The following SDK1 variants were observed in gnomAD, a reference collection of about 807,000 sequenced individuals.
SDK1 encodes sidekick cell adhesion molecule 1, also known as protein sidekick-1.
SDK1 carries 157 observed loss-of-function variants against 245.5 expected under a neutral mutation model. That is an observed-to-expected ratio of 0.64 (90% CI 0.56 to 0.73). SDK1 has a LOEUF of 0.73. SDK1 is among the 30% of genes least tolerant of loss of function. The pLI is 0.00. For missense variants in SDK1, 3,583 were observed against 3,002.3 expected (o/e 1.19, Z -4.52); for synonymous variants, 1,647 against 1,278.5 (o/e 1.29, Z -6.15).
chr7:4,051,522 G>T (rs1789475511), intron 18 of SDK1, 116 bp from the exon 19 acceptor site: 9 of 854,720 alleles, frequency 1.1e-5, no homozygotes, highest in African/African-American at 3.5e-5. Context: ...AGGATTTATG[G>T]ACTTTCTTAA....
intron 44 of SDK1, among the ~76,000 whole-genome samples, chr7:4,248,443 G>A (rs1404177012): frequency 2.8e-5 from 4 of 141,052 alleles, no homozygotes; most frequent in Non-Finnish European, 6.4e-5. Context: ...CTATACACCT[G>A]AATACATGCA....
chr7:3,960,663 C>T (rs2128129089), intron 8 of SDK1, among the ~76,000 whole-genome samples: 1 of 152,294 alleles, frequency 6.6e-6, no homozygotes, highest in Middle Eastern at 3.4e-3. Flanking sequence ...TCCTCAGCTC[C>T]TGACCAGCTC....
chr7:3,523,539 C>T (rs1319542583), intron 1 of SDK1, among the ~76,000 whole-genome samples: 1 of 152,132 alleles, frequency 6.6e-6, no homozygotes, highest in East Asian at 1.9e-4. Flanking sequence ...TTAGCTAAAG[C>T]TCCTAAGACT....
chr7:4,173,412 C>A (rs1380621433), intron 32 of SDK1, among the ~76,000 whole-genome samples: 2 of 152,166 alleles, frequency 1.3e-5, no homozygotes, highest in African/African-American at 4.8e-5. Flanking sequence ...AAAAGGCAAG[C>A]CTTGCGCTGG....
intron 1 of SDK1, among the ~76,000 whole-genome samples, chr7:3,317,947 A>T (rs563118096): frequency 1.3e-5 from 2 of 152,312 alleles, no homozygotes; most frequent in South Asian, 2.1e-4. Flanking sequence ...TTCATACCAT[A>T]TCAAAATGTA....
intron 4 of SDK1, chr7:3,643,398 C>G (rs1360176427): frequency 6.9e-6 from 1 of 144,966 alleles, no homozygotes; most frequent in African/African-American, 2.6e-5. Context: ...TGTGGAATCC[C>G]TTCCCTAAAG....
chr7:4,025,229 C>T (rs539632177), intron 17 of SDK1, among the ~76,000 whole-genome samples: 1 of 152,360 alleles, frequency 6.6e-6, no homozygotes, highest in African/African-American at 2.4e-5. Flanking sequence ...TCCAGCAATA[C>T]AGCAACACTG....
Position 3,583,831 on chromosome 7 carries a change from G to C in SDK1, c.299-35249G>C, listed in dbSNP as rs188648673. ...AGTAGAATTTATTTCACTGGAGAAA[G>C]AAGGTGGCAGGCATTTCAAGTGGAG... is the stretch of plus-strand genomic sequence containing the variant. On this transcript the variant is annotated intron_variant, in intron 1 of 44. Transcript: ENST00000404826. Among the ~76,000 whole-genome samples, 214 of 152,250 alleles carry C rather than the reference G, an allele frequency of 1.4e-3. 1 individual carries two copies. Among genetic ancestry groups the C allele is most frequent in the Middle Eastern group, 6.8e-3 (2 of 294 alleles).
At chr7:3,513,830 A>G (rs1228840012) in intron 1 of SDK1, among the ~76,000 whole-genome samples, 1 of 151,920 alleles carries the variant, frequency 6.6e-6, no homozygotes. Flanking sequence ...TCACATCTTT[A>G]TATCCATGTG....
At chr7:3,589,654 A>G (rs1454404825) in intron 1 of SDK1, among the ~76,000 whole-genome samples, 1 of 152,228 alleles carries the variant, frequency 6.6e-6, no homozygotes, top group Non-Finnish European at 1.5e-5. Flanking sequence ...GGCAGGCAAG[A>G]GAGCATGTGC....
intron 1 of SDK1, among the ~76,000 whole-genome samples, chr7:3,582,233 A>G (rs1264739831): frequency 2.0e-5 from 3 of 151,512 alleles, no homozygotes; most frequent in African/African-American, 7.3e-5. Flanking sequence ...GGTCTGTCTC[A>G]GGTAGGTCTC....
chr7:3,943,700 T>G (rs1780464877), intron 5 of SDK1, among the ~76,000 whole-genome samples: 1 of 152,032 alleles, frequency 6.6e-6, no homozygotes, highest in East Asian at 2.0e-4. Flanking sequence ...CAGTTCGGGT[T>G]AACTTTGAAC....
intron 17 of SDK1, among the ~76,000 whole-genome samples, chr7:4,034,084 C>T (rs1417474527): frequency 2.0e-5 from 3 of 152,192 alleles, no homozygotes; most frequent in Non-Finnish European, 4.4e-5. Context: ...AAGAACACAG[C>T]CTCGCCTCTG....
chr7:3,598,733 A>T (rs1562592076), intron 1 of SDK1, among the ~76,000 whole-genome samples: 2 of 152,268 alleles, frequency 1.3e-5, no homozygotes, highest in Non-Finnish European at 1.5e-5. Flanking sequence ...TTGGGATCAC[A>T]TTTTTGTCAC....
chr7:4,263,386 GAGGCCACCTAGATCTTTGCTGGGGTGGGA>G (rs1478055506), intron 44 of SDK1, among the ~76,000 whole-genome samples: 36 of 151,668 alleles, frequency 2.4e-4, no homozygotes, highest in African/African-American at 7.2e-4. Flanking sequence ...GCTGGGTGGG[GAGGCCACCTAGATCTTTGCTGGGGTGGGA>G]AGGCTGTGTA....
intron 1 of SDK1, among the ~76,000 whole-genome samples, chr7:3,465,112 A>G (rs1270360807): frequency 6.6e-6 from 1 of 152,172 alleles, no homozygotes; most frequent in East Asian, 1.9e-4. Context: ...GATTACCGTT[A>G]GGGAGCTCCT....
At chr7:3,328,543 C>G (rs1463249014) in intron 1 of SDK1, among the ~76,000 whole-genome samples, 2 of 152,004 alleles carry the variant, frequency 1.3e-5, no homozygotes, top group African/African-American at 4.8e-5. Context: ...TGGTTAAAAT[C>G]AAACAGCAGA....
chr7:3,601,117 C>G (rs2705604), intron 1 of SDK1, among the ~76,000 whole-genome samples: 37,902 of 151,968 alleles, frequency 0.25, 4,985 homozygotes, highest in South Asian at 0.31. Context: ...TACTGGATTT[C>G]ATTTGCTAAT....
Position 3,809,999 on chromosome 7 carries a change from A to T in SDK1, c.714-11451A>T, listed in dbSNP as rs1779347101. 2.6e-5 allele frequency among the ~76,000 whole-genome samples: 4 copies of T among 152,212 alleles called. No homozygotes were observed. The South Asian group carries it at 8.3e-4, about 32-fold the overall frequency. On this transcript the variant is annotated intron_variant, in intron 4 of 44. Transcript: ENST00000404826. Reference sequence around the variant, plus strand: ...AGCCATGCACAGTCCTCCCAGGAATATTCTTGTATCTGCTGTGTCTTGCTT... The same window carrying T: ...AGCCATGCACAGTCCTCCCAGGAATTTTCTTGTATCTGCTGTGTCTTGCTT...
Sources: allele counts gnomAD v4.1 joint callset (sites outside exome capture counted in the v4.1 genomes callset), GRCh38; gene constraint gnomAD v4.1.1; transcripts MANE v1.5; gene names NCBI Gene and HGNC (gene_info 2026-07-23, HGNC 2026-07-21).